PITPNC1: variants seen among roughly 807,000 people sequenced by gnomAD.
PITPNC1 encodes the protein phosphatidylinositol transfer protein cytoplasmic 1.
In PITPNC1, 18 loss-of-function variants were observed where a neutral mutation model predicts 44.7. The ratio of observed to expected loss-of-function variants is 0.40; its 90% CI spans 0.28 to 0.60. The LOEUF (loss-of-function observed/expected upper bound fraction) is 0.60, where lower values mean the gene tolerates loss of function less well. Ranked by LOEUF, PITPNC1 falls within the 20% of genes least tolerant of loss-of-function variation. PITPNC1 has a pLI of 0.39. For synonymous variants in PITPNC1, 141 were observed against 149.6 expected (o/e 0.94, Z 0.42); for missense variants, 290 against 418.4 (o/e 0.69, Z 2.68).
intron 5 of PITPNC1, among the ~76,000 whole-genome samples, chr17:67,593,907 A>G (rs1190145656): frequency 8.5e-5 from 13 of 152,322 alleles, no homozygotes; most frequent in African/African-American, 2.2e-4. Context: ...CTTAAAAAAA[A>G]TAAGGCACAG....
At chr17:67,550,661 G>C (rs1351034853) in intron 2 of PITPNC1, among the ~76,000 whole-genome samples, 5 of 152,094 alleles carry the variant, frequency 3.3e-5, no homozygotes, top group African/African-American at 1.2e-4. Context: ...CCGATCGACT[G>C]CTAGGCATGA....
At chr17:67,415,054 A>T (rs570984206) in intron 1 of PITPNC1, among the ~76,000 whole-genome samples, 1 of 151,920 alleles carries the variant, frequency 6.6e-6, no homozygotes, top group Admixed American at 6.6e-5. Flanking sequence ...TAATTTTTGT[A>T]TTTTTTGTGG....
chr17:67,558,605 G>T (rs2040869081), intron 4 of PITPNC1, among the ~76,000 whole-genome samples: 1 of 152,056 alleles, frequency 6.6e-6, no homozygotes, highest in Non-Finnish European at 1.5e-5. Context: ...TGGATAGCAG[G>T]GACCTAGAGT....
At chr17:67,436,480 G>A (rs1022910944) in intron 1 of PITPNC1, among the ~76,000 whole-genome samples, 1 of 152,044 alleles carries the variant, frequency 6.6e-6, no homozygotes, top group Non-Finnish European at 1.5e-5. Context: ...GGGTGAGGGA[G>A]GCAAGAGGTA....
At chr17:67,425,870 C>T (rs2038757494) in intron 1 of PITPNC1, among the ~76,000 whole-genome samples, 4 of 152,038 alleles carry the variant, frequency 2.6e-5, no homozygotes, top group Admixed American at 2.6e-4. Context: ...ATATTTTTGC[C>T]TTTGCCGATC....
intron 8 of PITPNC1, among the ~76,000 whole-genome samples, chr17:67,678,093 G>A (rs1334717295): frequency 1.3e-5 from 2 of 151,968 alleles, no homozygotes; most frequent in African/African-American, 2.4e-5. Context: ...GTGCATGTCC[G>A]TAGTCTTAGC....
chr17:67,488,927 T>C (rs1266117468), intron 1 of PITPNC1, among the ~76,000 whole-genome samples: 1 of 152,238 alleles, frequency 6.6e-6, no homozygotes, highest in Non-Finnish European at 1.5e-5. Flanking sequence ...CAGAATTTCC[T>C]TCCTTTTCAG....
chr17:67,425,441 CTCTT>C (rs1231169212), intron 1 of PITPNC1, among the ~76,000 whole-genome samples: 5 of 151,194 alleles, frequency 3.3e-5, no homozygotes, highest in Non-Finnish European at 7.4e-5. Context: ...CTTTTCCTCT[CTCTT>C]TCTCTCACTC....
chr17:67,393,391 C>T (rs943124490), intron 1 of PITPNC1, among the ~76,000 whole-genome samples: 2 of 151,736 alleles, frequency 1.3e-5, no homozygotes, highest in Non-Finnish European at 2.9e-5. Flanking sequence ...TTTGACTACT[C>T]TAGGTATCTG....
At chr17:67,448,212 G>C (rs964200074) in intron 1 of PITPNC1, among the ~76,000 whole-genome samples, 1 of 152,202 alleles carries the variant, frequency 6.6e-6, no homozygotes, top group African/African-American at 2.4e-5. Flanking sequence ...CTCCCAAAGT[G>C]CTGGGATTAC....
At chr17:67,415,630 G>C (rs2038575858) in intron 1 of PITPNC1, among the ~76,000 whole-genome samples, 1 of 152,180 alleles carries the variant, frequency 6.6e-6, no homozygotes, top group African/African-American at 2.4e-5. Flanking sequence ...AGAATTAATG[G>C]AATGTTGGCT....
At chr17:67,617,185 G>A (rs10459947) in intron 5 of PITPNC1, among the ~76,000 whole-genome samples, 127,400 of 152,198 alleles carry the variant, frequency 0.84, 55,442 homozygotes, top group Non-Finnish European at 0.96. Context: ...TCTTAATCTG[G>A]AGAATGGAAG....
chr17:67,414,905 G>T (rs1438319600), intron 1 of PITPNC1, among the ~76,000 whole-genome samples: 1 of 151,918 alleles, frequency 6.6e-6, no homozygotes, highest in South Asian at 2.1e-4. Flanking sequence ...TTGAGACAGG[G>T]TCTTGCTCTG....
rs2042979746 is a variant in PITPNC1 at position 67,694,539 on chromosome 17, A to G, written c.*1651A>G. ...CTCCCAAGGTGCAGGCGCTGGCCCCATGAGCCCAGCACCAAAGTTTTCTAA... is the reference window on the plus strand; with the variant it reads ...CTCCCAAGGTGCAGGCGCTGGCCCCGTGAGCCCAGCACCAAAGTTTTCTAA... On this transcript the variant is annotated 3_prime_UTR_variant, in exon 9 of 9. Coordinates refer to ENST00000581322, the MANE Select transcript of PITPNC1 (RefSeq NM_012417.4). 6.6e-6 allele frequency: 1 copy of G among 152,196 alleles called. No homozygotes were observed. The highest frequency in any genetic ancestry group is 2.4e-5 in the African/African-American group (1 of 41,456). 9.4% of individuals were successfully genotyped at this position (152,196 alleles called of 1,614,324 possible).
intron 1 of PITPNC1, among the ~76,000 whole-genome samples, chr17:67,511,665 C>T (rs978720264): frequency 2.0e-5 from 3 of 152,050 alleles, no homozygotes; most frequent in African/African-American, 4.8e-5. Context: ...CTCACCACCA[C>T]GCCCAGCTAA....
At chr17:67,511,275 T>G (rs2040181401) in intron 1 of PITPNC1, among the ~76,000 whole-genome samples, 1 of 152,232 alleles carries the variant, frequency 6.6e-6, no homozygotes. Flanking sequence ...TTTTTCCAGC[T>G]TTGTTATTGC....
intron 1 of PITPNC1, among the ~76,000 whole-genome samples, chr17:67,445,306 T>C (rs1373878361): frequency 2.6e-5 from 4 of 152,012 alleles, no homozygotes; most frequent in African/African-American, 7.2e-5. Flanking sequence ...GAATAACTTT[T>C]ATTCTGTGTT....
At chr17:67,621,227 A>ATTTTATTTTATTTTATTTTATTTTAG (rs1567743362) in intron 5 of PITPNC1, among the ~76,000 whole-genome samples, 1 of 12,334 alleles carries the variant, frequency 8.1e-5, no homozygotes, top group Non-Finnish European at 4.5e-4. Flanking sequence ...TTTTATTTTA[A>ATTTTATTTTATTTTATTTTATTTTAG]GACAAAGTTT....
chr17:67,599,018 ATATATATATATATATATTTTT>A (rs1436741799), intron 5 of PITPNC1, among the ~76,000 whole-genome samples: 1 of 35,964 alleles, frequency 2.8e-5, no homozygotes, highest in Admixed American at 2.5e-4. Context: ...ATATATATAT[ATATATATATATATATATTTTT>A]TTTTTTTTTT....
Sources: gnomAD v4.1 joint callset for allele counts (sites outside exome capture counted in the v4.1 genomes callset) on GRCh38, gnomAD v4.1.1 for gene constraint, MANE v1.5 for transcripts, NCBI Gene and HGNC (gene_info 2026-07-23, HGNC 2026-07-21) for gene names.